Variants in CPNE8 observed in about 807,000 individuals in gnomAD.
CPNE8 encodes the protein copine-8.
CPNE8 carries 45 observed loss-of-function variants against 81.5 expected under a neutral mutation model. The ratio of observed to expected loss-of-function variants is 0.55; its 90% CI spans 0.44 to 0.71. CPNE8 has a LOEUF of 0.71. CPNE8 is among the 30% of genes least tolerant of loss of function. The pLI is 0.00. For synonymous variants in CPNE8, 252 were observed against 226.3 expected (o/e 1.11, Z -1.02); for missense variants, 594 against 672.1 (o/e 0.88, Z 1.28).
At chr12:38,854,805 T>C (rs979135633) in intron 3 of CPNE8, among the ~76,000 whole-genome samples, 3 of 152,080 alleles carry the variant, frequency 2.0e-5, no homozygotes, top group Non-Finnish European at 4.4e-5. Flanking sequence ...AGCCCACAGC[T>C]AACATCATAC....
At chr12:38,773,661 AG>A (rs1941858390) in intron 7 of CPNE8, among the ~76,000 whole-genome samples, 1 of 152,154 alleles carries the variant, frequency 6.6e-6, no homozygotes, top group South Asian at 2.1e-4. Flanking sequence ...AGAAAAATGT[AG>A]ATTTTTATGA....
chr12:38,882,429 C>A (rs1202294303), intron 1 of CPNE8, among the ~76,000 whole-genome samples: 1 of 152,154 alleles, frequency 6.6e-6, no homozygotes, highest in African/African-American at 2.4e-5. Flanking sequence ...TTCAGCCCGG[C>A]AATACTGATT....
intron 11 of CPNE8, among the ~76,000 whole-genome samples, chr12:38,726,829 G>C (rs1940710175): frequency 6.6e-6 from 1 of 151,960 alleles, no homozygotes; most frequent in South Asian, 2.1e-4. Context: ...TTTGCTGTCA[G>C]CACATCATAA....
intron 6 of CPNE8, among the ~76,000 whole-genome samples, chr12:38,794,892 C>A (rs977585563): frequency 6.6e-6 from 1 of 152,086 alleles, no homozygotes; most frequent in African/African-American, 2.4e-5. Flanking sequence ...GTAGATCCAC[C>A]CTCAATGAGA....
upstream of CPNE8, chr12:38,905,661 C>A: frequency 1.3e-6 from 2 of 1,482,502 alleles, no homozygotes; most frequent in South Asian, 1.3e-5. Context: ...GGAGGCAGCG[C>A]GCGGGATGGG....
chr12:38,840,041 T>A (rs1943443637), intron 4 of CPNE8, 86 bp from the exon 5 acceptor site: 6 of 1,283,246 alleles, frequency 4.7e-6, no homozygotes, highest in Non-Finnish European at 6.3e-6. Context: ...ACATAAATAA[T>A]ATAAAAATGA....
At chr12:38,906,165 A>T (rs2137179883), upstream of CPNE8, 1 of 985,510 alleles carries the variant, frequency 1.0e-6, no homozygotes, top group East Asian at 1.1e-4. Context: ...CTCTTGGGAG[A>T]TCCCTCCGTC....
At chr12:38,897,822 T>C (rs1450080654) in intron 1 of CPNE8, among the ~76,000 whole-genome samples, 2 of 152,134 alleles carry the variant, frequency 1.3e-5, no homozygotes, top group Non-Finnish European at 2.9e-5. Context: ...GCTTAACTAA[T>C]GTCACAAGCA....
intron 11 of CPNE8, among the ~76,000 whole-genome samples, chr12:38,725,671 T>G (rs188695043): frequency 4.2e-4 from 64 of 152,276 alleles, no homozygotes; most frequent in Non-Finnish European, 5.0e-4. Flanking sequence ...AACTAAGGCT[T>G]CAATTTAAAA....
intron 10 of CPNE8, among the ~76,000 whole-genome samples, chr12:38,755,578 C>T (rs1269982794): frequency 1.3e-5 from 2 of 151,964 alleles, no homozygotes; most frequent in Non-Finnish European, 2.9e-5. Flanking sequence ...AAATATTCAT[C>T]CCCACCCATC....
intron 6 of CPNE8, among the ~76,000 whole-genome samples, chr12:38,807,624 C>T (rs1444831429): frequency 1.2e-4 from 18 of 151,590 alleles, no homozygotes; most frequent in African/African-American, 2.2e-4. Flanking sequence ...AAGACTTAAA[C>T]GTTAGACCTA....
chr12:38,745,687 G>A (rs760084335), intron 10 of CPNE8, among the ~76,000 whole-genome samples: 7 of 152,002 alleles, frequency 4.6e-5, no homozygotes, highest in Admixed American at 6.6e-5. Context: ...GGACCACAGG[G>A]GTGCACCACC....
intron 7 of CPNE8, among the ~76,000 whole-genome samples, chr12:38,768,686 A>G (rs954763443): frequency 3.4e-5 from 5 of 147,936 alleles, no homozygotes; most frequent in African/African-American, 1.2e-4. Flanking sequence ...CGCCCGGCTA[A>G]TTTTTTTGTA....
chr12:38,847,871 T>G (rs1366949780), intron 4 of CPNE8, among the ~76,000 whole-genome samples: 1 of 152,146 alleles, frequency 6.6e-6, no homozygotes, highest in Non-Finnish European at 1.5e-5. Flanking sequence ...TGTTCATGAA[T>G]TTCCTTTAAT....
At chr12:38,799,566 T>C (rs1353318173) in intron 6 of CPNE8, among the ~76,000 whole-genome samples, 2 of 152,064 alleles carry the variant, frequency 1.3e-5, no homozygotes, top group Non-Finnish European at 2.9e-5. Flanking sequence ...GGGAAATTTA[T>C]AGCACTAAAT....
chr12:38,714,577 A>G (rs1399456862), intron 13 of CPNE8, among the ~76,000 whole-genome samples: 1 of 151,830 alleles, frequency 6.6e-6, no homozygotes, highest in African/African-American at 2.4e-5. Context: ...ACTTTTCACT[A>G]TTTCAAATTA....
At chr12:38,710,285 A>AAAAG (rs1940221334) in intron 13 of CPNE8, among the ~76,000 whole-genome samples, 2 of 149,950 alleles carry the variant, frequency 1.3e-5, no homozygotes, top group South Asian at 4.2e-4. Flanking sequence ...AAAAAAAAAA[A>AAAAG]AAACCAACCC....
At chr12:38,788,982 G>A (rs1451659899) in intron 6 of CPNE8, among the ~76,000 whole-genome samples, 1 of 151,820 alleles carries the variant, frequency 6.6e-6, no homozygotes, top group African/African-American at 2.4e-5. Context: ...GATATTCCAT[G>A]TTTATGGATT....
intron 6 of CPNE8, among the ~76,000 whole-genome samples, chr12:38,794,475 G>C (rs1942406477): frequency 6.6e-6 from 1 of 151,982 alleles, no homozygotes; most frequent in Admixed American, 6.6e-5. Flanking sequence ...CTCCCAATCT[G>C]ATTTAAAAAT....
Sources: allele counts gnomAD v4.1 joint callset (sites outside exome capture counted in the v4.1 genomes callset), GRCh38; gene constraint gnomAD v4.1.1; transcripts MANE v1.5; gene names NCBI Gene and HGNC (gene_info 2026-07-23, HGNC 2026-07-21).